Variants in SLC6A7 observed in about 807,000 individuals in gnomAD.
The protein encoded by SLC6A7 is sodium-dependent proline transporter.
Under a neutral mutation model 73.1 loss-of-function variants are expected in SLC6A7, and 58 were observed. That is an observed-to-expected ratio of 0.79 (90% confidence interval 0.64 to 0.99). The LOEUF is 0.99. Ranked by LOEUF, SLC6A7 falls within the 50% of genes least tolerant of loss-of-function variation. SLC6A7 has a pLI of 0.00. For synonymous variants in SLC6A7, 338 were observed against 338.7 expected (o/e 1.00, Z 0.02); for missense variants, 783 against 831.4 (o/e 0.94, Z 0.72).
Position 150,203,995 on chromosome 5 carries a change from T to C in SLC6A7, c.1289T>C (p.Ile430Thr), listed in dbSNP as rs917483082. Residue 430 changes from isoleucine (I) to threonine (T), a missense_variant, in exon 10 of 14, where the codon ATC becomes ACC. By Grantham distance (89) the Ile-to-Thr change is moderately conservative. Transcript: ENST00000230671. Reference sequence around the variant, plus strand: ...AAGAAGGCGGTGTTCTCAGGGCTCATCTGCGTGGCCATGTACCTGATGGGG... The same window carrying C: ...AAGAAGGCGGTGTTCTCAGGGCTCACCTGCGTGGCCATGTACCTGATGGGG... ...RPKKAVFSGL[I>T]CVAMYLMGLI... 2 of 1,613,830 alleles carry C rather than the reference T, an allele frequency of 1.2e-6. No homozygotes were observed. Among genetic ancestry groups the C allele is most frequent in the African/African-American group, 2.7e-5 (2 of 74,984 alleles).
chr5:150,190,220 G>T lies in SLC6A7; in HGVS notation c.-108G>T, dbSNP rs567853493. 7.4e-6 allele frequency: 7 copies of T among 952,022 alleles called. No individual in the cohort carries two copies. The highest frequency in any genetic ancestry group is 3.4e-5 in the Admixed American group (1 of 29,104). 59.0% of individuals were successfully genotyped at this position (952,022 alleles called of 1,614,324 possible). A position where few individuals can be genotyped will look rare whatever the true frequency, so the allele number is the denominator to read the frequency against. On this transcript the variant is annotated 5_prime_UTR_variant, in exon 1 of 14. Coordinates refer to ENST00000230671, the MANE Select transcript of SLC6A7 (RefSeq NM_014228.5). Reference sequence around the variant, plus strand: ...GCCTGCGTCCGTGCCCGCCCCAGCCGGTGCGCGGGAGCCGCGGGGGCAAAG... The same window carrying T: ...GCCTGCGTCCGTGCCCGCCCCAGCCTGTGCGCGGGAGCCGCGGGGGCAAAG...
chr5:150,210,048 A>C lies in SLC6A7; in HGVS notation c.*433A>C, dbSNP rs1753899675. 5.0e-6 allele frequency: 1 copy of C among 201,414 alleles called. No homozygotes were observed. The highest frequency in any genetic ancestry group is 9.9e-5 in the South Asian group (1 of 10,066). 12.5% of individuals were successfully genotyped at this position (201,414 alleles called of 1,614,324 possible). ...TTTTGGGGGGAGCCTGTCCCCACAC[A>C]CCTTAGCACAACCAGAATCTTGAGT... On this transcript the variant is annotated 3_prime_UTR_variant, in exon 14 of 14. Transcript: ENST00000230671.
chr5:150,191,666 G>A (rs908487066), intron 1 of SLC6A7, among the ~76,000 whole-genome samples: 1 of 152,040 alleles, frequency 6.6e-6, no homozygotes, highest in Non-Finnish European at 1.5e-5. Context: ...TTCTGACCTC[G>A]TGATCCGCCC....
chr5:150,197,241 C>T lies in SLC6A7; in HGVS notation c.549C>T (p.Leu183=). 1.2e-6 allele frequency: 2 copies of T among 1,612,656 alleles called. No individual in the cohort carries two copies. Among genetic ancestry groups the T allele is most frequent in the Non-Finnish European group, 1.7e-6 (2 of 1,179,318 alleles). The part of the protein sequence containing the change: ...KDGNGALPLN[L]TCTVSPSEEY... ...GCAACGGGGCCCTGCCCCTCAACCT[C>T]ACCTGCACCGTCAGCCCCAGCGAGG... Residue 183 remains leucine (L), a synonymous_variant, in exon 4 of 14, where the codon CTC becomes CTT. Transcript: ENST00000230671.
In SLC6A7 at chr5:150,201,079, C is replaced by T; in HGVS notation, c.724-10C>T. 1 of 1,613,148 alleles carries T rather than the reference C, an allele frequency of 6.2e-7. No individual in the cohort carries two copies. The highest frequency in any genetic ancestry group is 1.1e-5 in the South Asian group (1 of 91,058). On this transcript the variant is annotated splice_polypyrimidine_tract_variant and intron_variant, in intron 5 of 13. Transcript: ENST00000230671. ...CCGATGCCATCAGCTCCTCACTTAT[C>T]ATCTCTCAGGTGGTGTATTTCACGG...
At chr5:150,197,971 A>G (rs1753122323) in intron 4 of SLC6A7, among the ~76,000 whole-genome samples, 1 of 151,970 alleles carries the variant, frequency 6.6e-6, no homozygotes, top group Non-Finnish European at 1.5e-5. Flanking sequence ...CGTTGCACTC[A>G]TCAGCCTATC....
At chr5:150,194,616 T>G in intron 1 of SLC6A7, 112 bp from the exon 2 acceptor site, 4 of 769,372 alleles carry the variant, frequency 5.2e-6, no homozygotes, top group Non-Finnish European at 8.7e-6. Context: ...TTATCTGGAC[T>G]GAGAATGTCT....
intron 8 of SLC6A7, 142 bp from the exon 9 acceptor site, chr5:150,203,525 C>CATTAAA: frequency 1.7e-6 from 1 of 592,954 alleles, no homozygotes; most frequent in Non-Finnish European, 3.0e-6. Context: ...AAGGAAGTAT[C>CATTAAA]AGAGGGTGCA....
intron 5 of SLC6A7, among the ~76,000 whole-genome samples, chr5:150,200,608 G>A (rs1390566790): frequency 6.6e-6 from 1 of 152,224 alleles, no homozygotes; most frequent in Non-Finnish European, 1.5e-5. Context: ...TCATTTACAA[G>A]GAACAGAGCC....
At chr5:150,194,170 C>G (rs1442845759) in intron 1 of SLC6A7, among the ~76,000 whole-genome samples, 1 of 152,210 alleles carries the variant, frequency 6.6e-6, no homozygotes, top group Non-Finnish European at 1.5e-5. Context: ...TGGCTCATGC[C>G]TGTAATCCCA....
intron 13 of SLC6A7, among the ~76,000 whole-genome samples, chr5:150,208,454 G>C (rs1753805491): frequency 6.6e-6 from 1 of 152,164 alleles, no homozygotes; most frequent in South Asian, 2.1e-4. Context: ...GCTGATATCA[G>C]GGAGGTAGGC....
intron 1 of SLC6A7, among the ~76,000 whole-genome samples, chr5:150,192,303 C>A (rs1002235830): frequency 6.6e-6 from 1 of 152,182 alleles, no homozygotes; most frequent in Admixed American, 6.5e-5. Context: ...TATTGTCTCT[C>A]TCTGTCCTGA....
rs569505476 is a variant in SLC6A7 at position 150,201,102 on chromosome 5, C to T, written c.737C>T (p.Thr246Met). 26 of 1,613,554 alleles carry T rather than the reference C, an allele frequency of 1.6e-5. No homozygotes were observed. The highest frequency in any genetic ancestry group is 1.9e-5 in the Non-Finnish European group (23 of 1,179,768). ...ATCATCTCTCAGGTGGTGTATTTCACGGCCACGTTCCCCTACCTCATCCTG... is the reference window on the plus strand; with the variant it reads ...ATCATCTCTCAGGTGGTGTATTTCATGGCCACGTTCCCCTACCTCATCCTG... ...VKSSGKVVYF[T>M]ATFPYLILLM... The change falls in exon 6 of 14, where the codon ACG becomes ATG. Residue 246 changes from threonine to methionine, a missense_variant. Coordinates refer to ENST00000230671, the MANE Select transcript of SLC6A7 (RefSeq NM_014228.5).
intron 2 of SLC6A7, chr5:150,195,113 TCC>T (rs1399858696): frequency 3.8e-6 from 2 of 521,554 alleles, no homozygotes. Context: ...CCTTCCTTCC[TCC>T]CTCTCATCCC....
chr5:150,208,618 C>T (rs1753812177), intron 13 of SLC6A7, among the ~76,000 whole-genome samples: 1 of 152,202 alleles, frequency 6.6e-6, no homozygotes, highest in African/African-American at 2.4e-5. Flanking sequence ...GTGGGAGACC[C>T]CGGCTAAAGG....
intron 13 of SLC6A7, among the ~76,000 whole-genome samples, chr5:150,208,076 AAC>A (rs10530999): frequency 0.37 from 55,486 of 151,460 alleles, 11,982 homozygotes; most frequent in Non-Finnish European, 0.5. Flanking sequence ...CAGGTTAAGA[AAC>A]TGGTCTGAGC....
chr5:150,199,299 T>C lies in SLC6A7; in HGVS notation c.656T>C (p.Leu219Pro), dbSNP rs1753247576. 2 of 1,614,132 alleles carry C rather than the reference T, an allele frequency of 1.2e-6. No individual in the cohort carries two copies. Among genetic ancestry groups the C allele is most frequent in the Non-Finnish European group, 1.7e-6 (2 of 1,179,982 alleles). The change falls in exon 5 of 14, where the codon CTC becomes CCC. Residue 219 changes from leucine to proline, a missense_variant. Coordinates refer to ENST00000230671, the MANE Select transcript of SLC6A7 (RefSeq NM_014228.5). ...GGGGAGATCCGCTGGAACCTCTGCC[T>C]CTGCCTGCTGCTGGCCTGGGTCATC... ...SPGEIRWNLC[L>P]CLLLAWVIVF...
At chr5:150,207,449 C>T (rs550794023) in intron 13 of SLC6A7, among the ~76,000 whole-genome samples, 2 of 152,196 alleles carry the variant, frequency 1.3e-5, no homozygotes, top group East Asian at 3.9e-4. Flanking sequence ...AGAAACAGGA[C>T]CAGGCTGGTC....
chr5:150,202,359 G>C lies in SLC6A7; in HGVS notation c.871G>C (p.Ala291Pro). 6.2e-7 allele frequency: 1 copy of C among 1,613,708 alleles called. No homozygotes were observed. Among genetic ancestry groups the C allele is most frequent in the Non-Finnish European group, 8.5e-7 (1 of 1,179,574 alleles). ...HLLSSKVWIE[A>P]ALQIFYSLGV... ...CTTCCCGGCACAGGTGTGGATTGAA[G>C]CTGCTCTTCAGATCTTCTATTCCCT... Residue 291 changes from alanine to proline, a missense_variant, in exon 7 of 14, where the codon GCT becomes CCT. By Grantham distance (27) the Ala-to-Pro change is conservative. Coordinates refer to ENST00000230671, the MANE Select transcript of SLC6A7 (RefSeq NM_014228.5).
Sources: gnomAD v4.1 joint callset for allele counts (sites outside exome capture counted in the v4.1 genomes callset) on GRCh38, gnomAD v4.1.1 for gene constraint, MANE v1.5 for transcripts, NCBI Gene and HGNC (gene_info 2026-07-23, HGNC 2026-07-21) for gene names.